The following GALNT2 variants were observed in gnomAD, a reference collection of about 807,000 sequenced individuals.
GALNT2 encodes the protein UDP-GalNAc:polypeptide N-acetylgalactosaminyltransferase 2.
In GALNT2, 31 loss-of-function variants were observed where a neutral mutation model predicts 81.4. The observed-to-expected ratio is 0.38, with a 90% CI of 0.29 to 0.51. The LOEUF (loss-of-function observed/expected upper bound fraction) is 0.51. GALNT2 is among the 20% of genes least tolerant of loss of function. The pLI, the probability that GALNT2 is intolerant of heterozygous loss-of-function variation, is 0.87. For synonymous variants in GALNT2, 303 were observed against 287.4 expected (o/e 1.05, Z -0.55); for missense variants, 629 against 765.7 (o/e 0.82, Z 2.11).
intron 1 of GALNT2, among the ~76,000 whole-genome samples, chr1:230,112,800 T>TGGGGGGGGGGGGGGGGG (rs200649766): frequency 2.6e-5 from 2 of 75,498 alleles, no homozygotes; most frequent in African/African-American, 6.1e-5. Flanking sequence ...GGCAGGGGGG[T>TGGGGGGGGGGGGGGGGG]GGGGGGGACC....
rs886250606 is a variant in GALNT2 at position 230,216,880 on chromosome 1, G to C, written c.374+13590G>C. ...GATTTTCTTCATCTGACAATAATGT[G>C]AGAAAATCCACACCTCTTTGGAAAT... On this transcript the variant is annotated intron_variant, in intron 3 of 15. Coordinates refer to ENST00000366672, the MANE Select transcript of GALNT2 (RefSeq NM_004481.5). 5.9e-5 allele frequency among the ~76,000 whole-genome samples: 9 copies of C among 152,096 alleles called. 1 individual carries two copies. In the South Asian group the frequency reaches 1.5e-3, roughly 25 times the overall value.
chr1:230,143,286 C>T (rs997197089), intron 1 of GALNT2, among the ~76,000 whole-genome samples: 4 of 152,158 alleles, frequency 2.6e-5, no homozygotes, highest in African/African-American at 4.8e-5. Context: ...CAGGGGAATC[C>T]GCAGCCTGAG....
intron 1 of GALNT2, among the ~76,000 whole-genome samples, chr1:230,075,688 G>A (rs890151614): frequency 1.3e-5 from 2 of 152,186 alleles, no homozygotes; most frequent in African/African-American, 4.8e-5. Flanking sequence ...TCTAGTGGGG[G>A]GCTGCGGGGA....
chr1:230,272,572 C>T (rs1261037515), intron 14 of GALNT2, among the ~76,000 whole-genome samples: 1 of 152,056 alleles, frequency 6.6e-6, no homozygotes, highest in Admixed American at 6.5e-5. Context: ...CAGGCTTGCC[C>T]AAGCCTCCCT....
chr1:230,058,227 G>A, intron 1 of GALNT2: 1 of 424,012 alleles, frequency 2.4e-6, no homozygotes, highest in Non-Finnish European at 4.8e-6. Context: ...GGGGCAGCCT[G>A]GGCTGGTGAA....
chr1:230,079,668 A>G (rs188833420), intron 1 of GALNT2, among the ~76,000 whole-genome samples: 49 of 152,318 alleles, frequency 3.2e-4, no homozygotes, highest in African/African-American at 1.2e-3. Flanking sequence ...CTAACCCTTT[A>G]TTGAAACTGC....
chr1:230,236,108 G>A lies in GALNT2; in HGVS notation c.469G>A (p.Val157Ile). 6.2e-7 allele frequency: 1 copy of A among 1,613,904 alleles called. No homozygotes were observed. ...CAGGTCGGCCCTACTCAGGACCGTG[G>A]TCAGGTGAGGCCAGGAGATGCATTA... ...EARSALLRTV[V>I]SVLKKSPPHL... The change falls in exon 4 of 16, where the codon GTC becomes ATC. Residue 157 changes from valine to isoleucine, a missense_variant. By Grantham distance (29) the Val-to-Ile change is conservative. Transcript: ENST00000366672.
intron 6 of GALNT2, among the ~76,000 whole-genome samples, chr1:230,238,137 C>T (rs924250040): frequency 4.6e-5 from 7 of 152,188 alleles, no homozygotes; most frequent in African/African-American, 1.7e-4. Flanking sequence ...CACACTTGCA[C>T]ACACACTCAT....
intron 1 of GALNT2, among the ~76,000 whole-genome samples, chr1:230,137,658 G>A (rs543298752): frequency 2.0e-4 from 31 of 152,328 alleles, no homozygotes; most frequent in Admixed American, 1.2e-3. Context: ...CAACAGGCTC[G>A]TCAGCATCTT....
intron 1 of GALNT2, among the ~76,000 whole-genome samples, chr1:230,104,010 G>A (rs1269565130): frequency 2.6e-5 from 4 of 152,178 alleles, no homozygotes; most frequent in Admixed American, 6.5e-5. Context: ...CCCGTATCAG[G>A]TTTAATTAAC....
At chr1:230,085,476 C>T (rs1048419785) in intron 1 of GALNT2, among the ~76,000 whole-genome samples, 2 of 152,198 alleles carry the variant, frequency 1.3e-5, no homozygotes, top group Non-Finnish European at 2.9e-5. Context: ...TTGCAGTTTT[C>T]CTGCCCAGTC....
intron 1 of GALNT2, among the ~76,000 whole-genome samples, chr1:230,089,408 C>A (rs546061633): frequency 1.2e-4 from 18 of 152,128 alleles, no homozygotes; most frequent in Non-Finnish European, 1.9e-4. Context: ...CCACCTCGGC[C>A]TCCCAAAGTG....
At chr1:230,115,857 C>G (rs1485983813) in intron 1 of GALNT2, among the ~76,000 whole-genome samples, 1 of 152,234 alleles carries the variant, frequency 6.6e-6, no homozygotes, top group Non-Finnish European at 1.5e-5. Context: ...GACATGCTCA[C>G]AGCATGTTCC....
chr1:230,111,480 G>C (rs762636021), intron 1 of GALNT2, among the ~76,000 whole-genome samples: 17 of 152,254 alleles, frequency 1.1e-4, no homozygotes, highest in Non-Finnish European at 2.1e-4. Flanking sequence ...ATGAGACTCT[G>C]AAAGTGTTCA....
At chr1:230,175,579 C>CTCCCCTCCTCG (rs1201765707) in intron 1 of GALNT2, among the ~76,000 whole-genome samples, 3 of 78,834 alleles carry the variant, frequency 3.8e-5, no homozygotes, top group Admixed American at 2.2e-4. Flanking sequence ...CCTCTGCCTC[C>CTCCCCTCCTCG]TCCCCTCCTC....
rs980160544 is a variant in GALNT2, at chr1:230,262,761, C to A, written c.1229+96C>A. 5 of 1,369,600 alleles carry A rather than the reference C, an allele frequency of 3.7e-6. No homozygotes were observed. The African/African-American group carries it at 7.1e-5, about 20-fold the overall frequency. 84.8% of individuals were successfully genotyped at this position (1,369,600 alleles called of 1,614,324 possible). ...GCCCCCAGCGTTGAATTCAGCTACCCAGGTGCCAAGGCGGGAAGGGGTTGT... is the reference window on the plus strand; with the variant it reads ...GCCCCCAGCGTTGAATTCAGCTACCAAGGTGCCAAGGCGGGAAGGGGTTGT... On this transcript the variant is annotated intron_variant, in intron 12 of 15. Coordinates refer to ENST00000366672, the MANE Select transcript of GALNT2 (RefSeq NM_004481.5).
intron 1 of GALNT2, among the ~76,000 whole-genome samples, chr1:230,144,619 A>G (rs2144299): frequency 0.83 from 126,057 of 152,126 alleles, 52,352 homozygotes; most frequent in African/African-American, 0.88. Context: ...CGCCATGCTT[A>G]TTTTGTCTTT....
intron 2 of GALNT2, among the ~76,000 whole-genome samples, chr1:230,188,451 C>T (rs975605367): frequency 6.6e-6 from 1 of 152,204 alleles, no homozygotes; most frequent in Non-Finnish European, 1.5e-5. Flanking sequence ...TCAGCTGTGC[C>T]ACCAGTCCTG....
upstream of GALNT2, among the ~76,000 whole-genome samples, chr1:230,064,121 A>C (rs2102735039): frequency 6.6e-6 from 1 of 152,132 alleles, no homozygotes; most frequent in Admixed American, 6.5e-5. Context: ...TATTACCCTT[A>C]ATTCCTATAT....
Sources: gnomAD v4.1 joint callset for allele counts (sites outside exome capture counted in the v4.1 genomes callset) on GRCh38, gnomAD v4.1.1 for gene constraint, MANE v1.5 for transcripts, NCBI Gene and HGNC (gene_info 2026-07-23, HGNC 2026-07-21) for gene names.